The following SCTR variants were observed in gnomAD, a reference collection of about 807,000 sequenced individuals.
SCTR encodes the protein pancreatic secretin receptor.
Under a neutral mutation model 60.8 loss-of-function variants are expected in SCTR, and 56 were observed. That is an observed-to-expected ratio of 0.92 (90% CI 0.74 to 1.15). The LOEUF is 1.15. SCTR is among the 50% of genes most tolerant of loss of function. The pLI is 0.00. For missense variants in SCTR, 562 were observed against 550.4 expected, an observed-to-expected ratio of 1.02 and a Z score of -0.21; for synonymous variants, 202 against 217.0, an observed-to-expected ratio of 0.93 and a Z score of 0.61.
At chr2:119,490,267 C>A (rs1178318966) in intron 2 of SCTR, among the ~76,000 whole-genome samples, 2 of 152,356 alleles carry the variant, frequency 1.3e-5, no homozygotes. Context: ...CTGTCCCTTG[C>A]GCAGTGGCCG....
chr2:119,489,919 G>C (rs1260862164), intron 2 of SCTR, among the ~76,000 whole-genome samples: 2 of 152,154 alleles, frequency 1.3e-5, no homozygotes, highest in East Asian at 3.8e-4. Flanking sequence ...CCGTGTAAAC[G>C]AAAGTTCACC....
chr2:119,476,232 T>C (rs969830602), intron 3 of SCTR, among the ~76,000 whole-genome samples: 1 of 151,724 alleles, frequency 6.6e-6, no homozygotes, highest in African/African-American at 2.4e-5. Flanking sequence ...AGTAGATCTA[T>C]GGGGATGAAG....
At chr2:119,448,809 G>A (rs777548409) in intron 9 of SCTR, 29 bp from the exon 10 acceptor site, 1 of 1,303,424 alleles carries the variant, frequency 7.7e-7, no homozygotes, top group Non-Finnish European at 1.1e-6. Flanking sequence ...AGGTGGGGCT[G>A]AAGGCATCTT....
chr2:119,496,868 C>G (rs1046751556), intron 1 of SCTR, among the ~76,000 whole-genome samples: 9 of 152,150 alleles, frequency 5.9e-5, no homozygotes, highest in Non-Finnish European at 1.0e-4. Flanking sequence ...TCCGGACCCC[C>G]ACCCTTGCCA....
chr2:119,518,305 G>A (rs992640355), intron 1 of SCTR, among the ~76,000 whole-genome samples: 3 of 149,092 alleles, frequency 2.0e-5, no homozygotes, highest in Admixed American at 6.6e-5. Context: ...GTTCATCCAG[G>A]TAGTCTCAAC....
At chr2:119,465,034 T>C (rs1002250235) in intron 5 of SCTR, among the ~76,000 whole-genome samples, 3 of 152,216 alleles carry the variant, frequency 2.0e-5, no homozygotes, top group Non-Finnish European at 4.4e-5. Flanking sequence ...ACAGGCTTTC[T>C]TCTGGGAAAC....
intron 1 of SCTR, among the ~76,000 whole-genome samples, chr2:119,518,471 C>A (rs1253884249): frequency 6.6e-6 from 1 of 152,112 alleles, no homozygotes; most frequent in Admixed American, 6.5e-5. Flanking sequence ...ACTCTGGGAA[C>A]CTCAGGAGCC....
intron 1 of SCTR, among the ~76,000 whole-genome samples, chr2:119,520,808 T>C (rs1053762976): frequency 6.6e-6 from 1 of 152,206 alleles, no homozygotes. Context: ...CTGACTCAGA[T>C]GCCGTATCAC....
intron 6 of SCTR, among the ~76,000 whole-genome samples, chr2:119,463,047 G>C (rs1183943187): frequency 3.3e-5 from 5 of 149,352 alleles, no homozygotes; most frequent in Non-Finnish European, 7.4e-5. Flanking sequence ...GAACCTCTCA[G>C]TCTGAGTCAG....
chr2:119,467,239 C>A (rs1441326049), intron 4 of SCTR, among the ~76,000 whole-genome samples: 1 of 152,052 alleles, frequency 6.6e-6, no homozygotes, highest in African/African-American at 2.4e-5. Flanking sequence ...ATTAGCCAGG[C>A]ATGGTGGCGT....
chr2:119,464,455 A>G (rs1490195408), intron 5 of SCTR, among the ~76,000 whole-genome samples, 200 bp from the exon 6 acceptor site: 1 of 93,132 alleles, frequency 1.1e-5, no homozygotes, highest in Non-Finnish European at 2.2e-5. Context: ...CTGCAGTGAG[A>G]AAAAAAAAAA....
chr2:119,451,023 A>T (rs1000752113), intron 9 of SCTR, among the ~76,000 whole-genome samples: 1 of 151,816 alleles, frequency 6.6e-6, no homozygotes, highest in Non-Finnish European at 1.5e-5. Context: ...TTATGTAATT[A>T]AAAAAGAATA....
intron 2 of SCTR, among the ~76,000 whole-genome samples, chr2:119,493,357 G>T (rs1445294254): frequency 6.6e-6 from 1 of 152,192 alleles, no homozygotes; most frequent in Admixed American, 6.5e-5. Flanking sequence ...TGTGAAGGGG[G>T]CTGTTATGAA....
chr2:119,464,053 C>T (rs1431264452), intron 6 of SCTR, 70 bp downstream of exon 6: 1 of 1,537,218 alleles, frequency 6.5e-7, no homozygotes, highest in Non-Finnish European at 9.0e-7. Context: ...CTAGGCTACT[C>T]CCCTCTCCAA....
At chr2:119,478,570 C>G (rs1677443643) in intron 3 of SCTR, among the ~76,000 whole-genome samples, 1 of 152,168 alleles carries the variant, frequency 6.6e-6, no homozygotes, top group African/African-American at 2.4e-5. Flanking sequence ...GAAGCAGGCC[C>G]AGCCTCCCTT....
At chr2:119,484,698 TTC>T (rs1194343302) in intron 2 of SCTR, 20 of 152,270 alleles carry the variant, frequency 1.3e-4, no homozygotes, top group Non-Finnish European at 1.5e-5. Context: ...TTTTTGCCTT[TTC>T]TCTCTCCTTC....
At chr2:119,472,612 C>T (rs368083064) in intron 4 of SCTR, among the ~76,000 whole-genome samples, 38 of 152,202 alleles carry the variant, frequency 2.5e-4, no homozygotes, top group Admixed American at 5.9e-4. Flanking sequence ...TTATCAGAGC[C>T]GGGAGACTCC....
At chr2:119,509,406 T>C (rs1470514355) in intron 1 of SCTR, among the ~76,000 whole-genome samples, 1 of 152,144 alleles carries the variant, frequency 6.6e-6, no homozygotes, top group Admixed American at 6.5e-5. Flanking sequence ...TGTGTGTGAA[T>C]AGTGAATGAG....
chr2:119,501,775 A>AAAG (rs148264278), intron 1 of SCTR, among the ~76,000 whole-genome samples: 10,376 of 152,064 alleles, frequency 0.068, 1,127 homozygotes, highest in African/African-American at 0.23. Flanking sequence ...CAAAAAATAC[A>AAAG]AAGAAGAAGA....
Sources: gnomAD v4.1 joint callset for allele counts (sites outside exome capture counted in the v4.1 genomes callset) on GRCh38, gnomAD v4.1.1 for gene constraint, MANE v1.5 for transcripts, NCBI Gene and HGNC (gene_info 2026-07-23, HGNC 2026-07-21) for gene names.